Variants in CNNM2 observed in about 807,000 individuals in gnomAD.
CNNM2 encodes metal transporter CNNM2.
A neutral mutation model predicts 66.9 loss-of-function variants in CNNM2; 12 were observed. The ratio of observed to expected loss-of-function variants is 0.18; its 90% CI spans 0.11 to 0.29. The LOEUF (loss-of-function observed/expected upper bound fraction) is 0.29, where lower values mean the gene tolerates loss of function less well. Ranked by LOEUF, CNNM2 falls within the 10% of genes least tolerant of loss-of-function variation. The probability of loss-of-function intolerance (pLI) is 1.00; values close to 1 mark genes in which losing one functional copy is unlikely to be tolerated. For missense variants in CNNM2, 705 were observed against 1,167.7 expected (o/e 0.60, Z 5.77); for synonymous variants, 557 against 501.8 (o/e 1.11, Z -1.47).
intron 1 of CNNM2, among the ~76,000 whole-genome samples, chr10:102,920,852 C>A (rs1845604372): frequency 6.6e-6 from 1 of 152,180 alleles, no homozygotes; most frequent in Non-Finnish European, 1.5e-5. Flanking sequence ...GCCTTCTTCA[C>A]TATTTGTTTA....
intron 1 of CNNM2, among the ~76,000 whole-genome samples, chr10:103,028,829 T>TTTTTTTTTTTTTTTTTTTC (rs2064764044): frequency 4.0e-4 from 8 of 19,890 alleles, no homozygotes; most frequent in Admixed American, 7.2e-4. Context: ...TTTTTTTTTC[T>TTTTTTTTTTTTTTTTTTTC]TTTTTTTTTT....
At chr10:103,012,770 A>G (rs955803665) in intron 1 of CNNM2, among the ~76,000 whole-genome samples, 1 of 151,422 alleles carries the variant, frequency 6.6e-6, no homozygotes, top group Non-Finnish European at 1.5e-5. Flanking sequence ...AACAGTCTGT[A>G]CCACACTGGC....
chr10:102,991,497 A>G (rs998258070), intron 1 of CNNM2, among the ~76,000 whole-genome samples: 1 of 152,280 alleles, frequency 6.6e-6, no homozygotes, highest in Non-Finnish European at 1.5e-5. Flanking sequence ...GAACTGTTCC[A>G]TCTGCTTTCC....
At chr10:102,962,243 T>A (rs2063393998) in intron 1 of CNNM2, among the ~76,000 whole-genome samples, 1 of 152,202 alleles carries the variant, frequency 6.6e-6, no homozygotes, top group Non-Finnish European at 1.5e-5. Flanking sequence ...GGTGATGGGT[T>A]GATTTGTGCA....
chr10:103,000,446 A>G (rs958326510), intron 1 of CNNM2, among the ~76,000 whole-genome samples: 71 of 151,350 alleles, frequency 4.7e-4, no homozygotes, highest in Middle Eastern at 3.2e-3. Context: ...TGTGTGTTTT[A>G]TTTTATTTTA....
At position 103,067,966 on chromosome 10, in the gene CNNM2, G is replaced by A. The variant is rs1029510354; in HGVS notation, c.2074-663G>A. On this transcript the variant is annotated intron_variant, in intron 4 of 7. Transcript: ENST00000369878. ...GCTCAGTGGTCAGGACACCGTGCTCGTGAGACAGAGTGGGTTCTACCCAGG... is the reference window on the plus strand; with the variant it reads ...GCTCAGTGGTCAGGACACCGTGCTCATGAGACAGAGTGGGTTCTACCCAGG... 4.6e-5 allele frequency among the ~76,000 whole-genome samples: 7 copies of A among 152,208 alleles called. No homozygotes were observed. The East Asian group carries it at 5.8e-4, about 13-fold the overall frequency.
intron 1 of CNNM2, among the ~76,000 whole-genome samples, chr10:102,940,594 A>G (rs569817850): frequency 2.8e-4 from 43 of 151,216 alleles, no homozygotes; most frequent in African/African-American, 9.0e-4. Flanking sequence ...AATTTTTTGT[A>G]TTTTTAGTAG....
Position 103,082,121 on chromosome 10 carries a change from A to G in CNNM2, c.*4941A>G, listed in dbSNP as rs1246855473. 1.3e-5 allele frequency: 2 copies of G among 152,258 alleles called. No homozygotes were observed. The highest frequency in any genetic ancestry group is 2.9e-5 in the Non-Finnish European group (2 of 68,046). 9.4% of individuals were successfully genotyped at this position (152,258 alleles called of 1,614,324 possible). Reference sequence around the variant, plus strand: ...GTACACAGATCCAACACATACTGTAAGAAAGACTTGAGTACACAAGGTTTT... The same window carrying G: ...GTACACAGATCCAACACATACTGTAGGAAAGACTTGAGTACACAAGGTTTT... On this transcript the variant is annotated 3_prime_UTR_variant, in exon 8 of 8. Coordinates refer to ENST00000369878, the MANE Select transcript of CNNM2 (RefSeq NM_017649.5).
Position 103,089,609 on chromosome 10 carries a change from G to C in CNNM2, c.*12429G>C. 2 of 1,495,260 alleles carry C rather than the reference G, an allele frequency of 1.3e-6. No homozygotes were observed. The highest frequency in any genetic ancestry group is 8.9e-7 in the Non-Finnish European group (1 of 1,122,230). The allele number at this position is 1,495,260 out of a possible 1,614,324, so 92.6% of individuals were successfully genotyped here. A position where few individuals can be genotyped will look rare whatever the true frequency, so the allele number is the denominator to read the frequency against. On this transcript the variant is annotated 3_prime_UTR_variant, in exon 8 of 8. Transcript: ENST00000369878. ...CGAGTAGAACCCTAACAGGGACCTC[G>C]TTTGTTCCTGTGAGTCCTGCCAGGA...
intron 1 of CNNM2, among the ~76,000 whole-genome samples, chr10:102,988,869 C>G (rs1378133922): frequency 6.6e-6 from 1 of 152,126 alleles, no homozygotes; most frequent in Non-Finnish European, 1.5e-5. Flanking sequence ...AGGTGACCGA[C>G]TAACTTTCTC....
intron 1 of CNNM2, among the ~76,000 whole-genome samples, chr10:102,972,662 G>A (rs1262400170): frequency 6.6e-6 from 1 of 152,098 alleles, no homozygotes; most frequent in Non-Finnish European, 1.5e-5. Flanking sequence ...TGATTCTGAT[G>A]TGAAACCCTA....
intron 1 of CNNM2, among the ~76,000 whole-genome samples, chr10:102,972,435 G>C (rs1314779775): frequency 6.6e-6 from 1 of 152,100 alleles, no homozygotes; most frequent in Admixed American, 6.6e-5. Flanking sequence ...AGGAGATCAA[G>C]ACCATCCTGG....
intron 5 of CNNM2, among the ~76,000 whole-genome samples, chr10:103,070,946 G>A (rs994040799): frequency 5.3e-5 from 8 of 152,138 alleles, no homozygotes; most frequent in African/African-American, 1.9e-4. Flanking sequence ...AAAAAGCGGG[G>A]GGGGAATTTC....
At chr10:103,067,473 A>AT (rs2065499655) in intron 4 of CNNM2, among the ~76,000 whole-genome samples, 1 of 152,230 alleles carries the variant, frequency 6.6e-6, no homozygotes, top group South Asian at 2.1e-4. Flanking sequence ...AGTTGTGCAC[A>AT]TTAAATGAAT....
At chr10:103,066,026 C>T (rs958770297) in intron 4 of CNNM2, among the ~76,000 whole-genome samples, 1 of 152,142 alleles carries the variant, frequency 6.6e-6, no homozygotes, top group Non-Finnish European at 1.5e-5. Flanking sequence ...CCCACTGATT[C>T]CTCTGTAGGG....
intron 4 of CNNM2, among the ~76,000 whole-genome samples, chr10:103,064,996 T>C (rs564119877): frequency 1.3e-5 from 2 of 152,286 alleles, no homozygotes; most frequent in African/African-American, 4.8e-5. Context: ...GCTTAGCATA[T>C]CCACCCCGCA....
At chr10:103,019,180 G>A (rs1391106269) in intron 1 of CNNM2, among the ~76,000 whole-genome samples, 1 of 150,990 alleles carries the variant, frequency 6.6e-6, no homozygotes, top group African/African-American at 2.4e-5. Context: ...GAGTTGGGAG[G>A]ATCACCTGAG....
rs557846344 is a variant in CNNM2, at chr10:103,087,971, C to T, written c.*10791C>T. 6.6e-6 allele frequency: 1 copy of T among 152,258 alleles called. No homozygotes were observed. Among genetic ancestry groups the T allele is most frequent in the South Asian group, 2.1e-4 (1 of 4,820 alleles). 9.4% of individuals were successfully genotyped at this position (152,258 alleles called of 1,614,324 possible). ...AAAGCCTCACTTCACAGTCCTGTTC[C>T]AAAAATCTTTCTGTGAAAAAATTGA... On this transcript the variant is annotated 3_prime_UTR_variant, in exon 8 of 8. Coordinates refer to ENST00000369878, the MANE Select transcript of CNNM2 (RefSeq NM_017649.5).
chr10:103,056,747 TTCTC>T (rs748317260), intron 3 of CNNM2, 44 bp from the exon 4 acceptor site: 138 of 1,538,426 alleles, frequency 9.0e-5, no homozygotes, highest in Non-Finnish European at 1.2e-4. Flanking sequence ...AGTATAATTT[TTCTC>T]TCTCTGTTTG....
Sources: allele counts gnomAD v4.1 joint callset (sites outside exome capture counted in the v4.1 genomes callset), GRCh38; gene constraint gnomAD v4.1.1; transcripts MANE v1.5; gene names NCBI Gene and HGNC (gene_info 2026-07-23, HGNC 2026-07-21).